SNTG2: variants seen among roughly 807,000 people sequenced by gnomAD.
SNTG2 encodes the protein gamma-2-syntrophin.
Under a neutral mutation model 70.9 loss-of-function variants are expected in SNTG2, and 74 were observed. The ratio of observed to expected loss-of-function variants is 1.04; its 90% CI spans 0.86 to 1.27. The LOEUF (loss-of-function observed/expected upper bound fraction) is 1.27. SNTG2 is among the 50% of genes most tolerant of loss of function. The probability of loss-of-function intolerance (pLI) is 0.00; values close to 1 mark genes in which losing one functional copy is unlikely to be tolerated. For missense variants in SNTG2, 717 were observed against 690.7 expected, an observed-to-expected ratio of 1.04 and a Z score of -0.43; for synonymous variants, 278 against 273.8, an observed-to-expected ratio of 1.02 and a Z score of -0.15.
At chr2:1,022,429 T>C (rs1660236245) in intron 1 of SNTG2, among the ~76,000 whole-genome samples, 1 of 151,748 alleles carries the variant, frequency 6.6e-6, no homozygotes, top group African/African-American at 2.4e-5. Flanking sequence ...GCCCCTGCAT[T>C]GCCGTGAATC....
chr2:968,837 TAA>T (rs1323724273), intron 1 of SNTG2, among the ~76,000 whole-genome samples: 1 of 152,194 alleles, frequency 6.6e-6, no homozygotes, highest in East Asian at 1.9e-4. Context: ...ACTCTATTGA[TAA>T]GTTTATTTTG....
intron 1 of SNTG2, among the ~76,000 whole-genome samples, chr2:1,036,899 C>A (rs958631630): frequency 3.9e-5 from 6 of 152,176 alleles, no homozygotes; most frequent in Admixed American, 6.5e-5. Context: ...GAGAACAGGG[C>A]ATTCATCCTA....
chr2:1,081,006 C>T (rs1664252722), intron 1 of SNTG2, among the ~76,000 whole-genome samples: 1 of 152,030 alleles, frequency 6.6e-6, no homozygotes, highest in South Asian at 2.1e-4. Context: ...AGCGTGAGAA[C>T]CATGGCCCCA....
intron 14 of SNTG2, among the ~76,000 whole-genome samples, chr2:1,299,369 C>A (rs1680354603): frequency 6.6e-6 from 1 of 152,208 alleles, no homozygotes; most frequent in Non-Finnish European, 1.5e-5. Flanking sequence ...GGGCTGAACT[C>A]CCTCAGGTTC....
At chr2:1,348,936 C>T (rs552776042) in intron 16 of SNTG2, among the ~76,000 whole-genome samples, 6 of 152,224 alleles carry the variant, frequency 3.9e-5, no homozygotes, top group African/African-American at 1.4e-4. Context: ...GTGGGTTATT[C>T]TTGACTGATG....
Position 1,308,552 on chromosome 2 carries a change from C to T in SNTG2, c.1343C>T (p.Ala448Val), listed in dbSNP as rs576647191. 27 of 1,551,576 alleles carry T rather than the reference C, an allele frequency of 1.7e-5. No homozygotes were observed. In the African/African-American group the frequency reaches 2.7e-4, roughly 16 times the overall value. The change falls in exon 15 of 17, where the codon GCG becomes GTG. Residue 448 changes from alanine (A) to valine (V), a missense_variant. Transcript: ENST00000308624. ...GEMLCFTVDFALGFTCFESKT... is the reference protein window; with the variant it reads ...GEMLCFTVDFVLGFTCFESKT... ...ATGCTGTGTTTCACGGTGGATTTCG[C>T]GTTGGGATTTACCTGTTTTGAGAGT...
intron 4 of SNTG2, among the ~76,000 whole-genome samples, chr2:1,119,664 A>G (rs1449157781): frequency 6.6e-6 from 1 of 152,096 alleles, no homozygotes; most frequent in African/African-American, 2.4e-5. Flanking sequence ...CAGCAACAAA[A>G]TGATAGCAGA....
intron 11 of SNTG2, among the ~76,000 whole-genome samples, chr2:1,242,099 G>A (rs1033326493): frequency 1.3e-5 from 2 of 152,140 alleles, no homozygotes; most frequent in Non-Finnish European, 2.9e-5. Flanking sequence ...TCATTATGTA[G>A]GATGATGAAG....
At chr2:1,124,450 A>G (rs1558429122) in intron 4 of SNTG2, among the ~76,000 whole-genome samples, 1 of 151,912 alleles carries the variant, frequency 6.6e-6, no homozygotes, top group African/African-American at 2.4e-5. Flanking sequence ...GCTCGCCACC[A>G]CGCCCGGCTA....
intron 4 of SNTG2, among the ~76,000 whole-genome samples, chr2:1,127,325 A>AT (rs905278334): frequency 2.0e-5 from 3 of 151,876 alleles, no homozygotes; most frequent in Admixed American, 6.6e-5. Flanking sequence ...TGCTGTATCT[A>AT]TTTTTTGCCT....
intron 1 of SNTG2, among the ~76,000 whole-genome samples, chr2:1,082,959 A>G (rs1449343004): frequency 6.6e-6 from 1 of 152,186 alleles, no homozygotes; most frequent in African/African-American, 2.4e-5. Flanking sequence ...CTGTCCAGGA[A>G]CAACAGGCCT....
intron 1 of SNTG2, among the ~76,000 whole-genome samples, chr2:1,063,604 A>G (rs548706086): frequency 2.6e-5 from 4 of 152,338 alleles, no homozygotes; most frequent in African/African-American, 4.8e-5. Context: ...GATTTCACAA[A>G]CAGAAAGTAC....
At chr2:1,355,815 T>A (rs775171026) in intron 16 of SNTG2, among the ~76,000 whole-genome samples, 8 of 152,198 alleles carry the variant, frequency 5.3e-5, no homozygotes, top group Non-Finnish European at 1.2e-4. Flanking sequence ...TGTGCAAGGG[T>A]TGCAGCTTCT....
chr2:1,290,307 G>A (rs540123298), intron 14 of SNTG2, among the ~76,000 whole-genome samples: 1 of 138,650 alleles, frequency 7.2e-6, no homozygotes, highest in Non-Finnish European at 1.6e-5. Context: ...TGAAGGGGAA[G>A]TTCTACATCC....
intron 1 of SNTG2, among the ~76,000 whole-genome samples, chr2:1,063,573 A>G (rs1456181050): frequency 6.6e-6 from 1 of 152,212 alleles, no homozygotes. Flanking sequence ...AGACTGGAAA[A>G]TAACTATGAC....
intron 6 of SNTG2, among the ~76,000 whole-genome samples, chr2:1,144,999 A>G (rs1178581545): frequency 2.0e-5 from 3 of 152,378 alleles, no homozygotes; most frequent in Non-Finnish European, 4.4e-5. Flanking sequence ...AGAAATCTCA[A>G]TAGAAATCTT....
rs149554133 is a variant in SNTG2 at position 1,079,930 on chromosome 2, G to C, written c.73-3588G>C. ...AGAGCAAGCCCTTCCTCCGAAGGCG[G>C]CTGCACTACCTGAGCTTCTCTGGGA... is the stretch of plus-strand genomic sequence containing the variant. On this transcript the variant is annotated intron_variant, in intron 1 of 16. Transcript: ENST00000308624. Among the ~76,000 whole-genome samples the C allele has an allele frequency of 1.6e-3, 241 of 152,354 alleles. 3 individuals carry two copies. Among genetic ancestry groups the C allele is most frequent in the African/African-American group, 5.7e-3 (239 of 41,586 alleles).
chr2:1,098,459 A>C, intron 4 of SNTG2, 49 bp downstream of exon 4: 1 of 1,539,652 alleles, frequency 6.5e-7, no homozygotes, highest in Non-Finnish European at 9.0e-7. Flanking sequence ...CATTTGTGAG[A>C]TAACAAATTA....
chr2:951,089 C>A, intron 1 of SNTG2, 21 bp downstream of exon 1: 2 of 1,227,096 alleles, frequency 1.6e-6, no homozygotes, highest in Non-Finnish European at 2.0e-6. Flanking sequence ...CCCCTCAGCG[C>A]CCCTTCACCT....
Sources: allele counts gnomAD v4.1 joint callset (sites outside exome capture counted in the v4.1 genomes callset), GRCh38; gene constraint gnomAD v4.1.1; transcripts MANE v1.5; gene names NCBI Gene and HGNC (gene_info 2026-07-23, HGNC 2026-07-21).